UNC13C: variants seen among roughly 807,000 people sequenced by gnomAD.
UNC13C encodes the protein protein unc-13 homolog C.
Under a neutral mutation model 245.4 loss-of-function variants are expected in UNC13C, and 174 were observed. The observed-to-expected ratio is 0.71, with a 90% CI of 0.63 to 0.80. The LOEUF is 0.80. Among genes scored for constraint, UNC13C ranks in the 30% least tolerant of loss-of-function variants. The pLI is 0.00. For synonymous variants in UNC13C, 992 were observed against 895.1 expected, an observed-to-expected ratio of 1.11 and a Z score of -1.93; for missense variants, 2,829 against 2,602.9, an observed-to-expected ratio of 1.09 and a Z score of -1.89.
At chr15:54,413,263 C>A (rs2040450705) in intron 18 of UNC13C, among the ~76,000 whole-genome samples, 1 of 151,436 alleles carries the variant, frequency 6.6e-6, no homozygotes, top group South Asian at 2.1e-4. Context: ...TTCTTTAGTT[C>A]TTTGTTTCTT....
chr15:54,541,548 A>G (rs1476696548), intron 26 of UNC13C, among the ~76,000 whole-genome samples: 2 of 152,134 alleles, frequency 1.3e-5, no homozygotes, highest in East Asian at 3.9e-4. Context: ...AACATCCTGC[A>G]TAAGCACATT....
chr15:53,899,396 T>C, the UNC13C span, among the ~76,000 whole-genome samples: 1 of 152,246 alleles, frequency 6.6e-6, no homozygotes, highest in East Asian at 1.9e-4. Context: ...ACCACTTTCC[T>C]TGCAAATTAA....
intron 28 of UNC13C, among the ~76,000 whole-genome samples, chr15:54,552,399 A>C (rs1355218495): frequency 1.1e-5 from 1 of 88,366 alleles, no homozygotes; most frequent in African/African-American, 4.8e-5. Flanking sequence ...ATAATATATA[A>C]TTATATAATT....
At chr15:54,143,199 A>G (rs557392629) in intron 3 of UNC13C, among the ~76,000 whole-genome samples, 159 bp downstream of exon 3, 5 of 151,996 alleles carry the variant, frequency 3.3e-5, no homozygotes, top group Non-Finnish European at 7.4e-5. Context: ...TGTGCCTCTG[A>G]TATGTTGCAC....
the UNC13C span, among the ~76,000 whole-genome samples, chr15:53,939,320 G>A: frequency 6.6e-6 from 1 of 152,072 alleles, no homozygotes; most frequent in Non-Finnish European, 1.5e-5. Flanking sequence ...GACCACTAAT[G>A]AGTTCTGAAA....
the UNC13C span, among the ~76,000 whole-genome samples, chr15:53,900,123 C>T: frequency 1.5e-3 from 229 of 152,196 alleles, 1 homozygote; most frequent in African/African-American, 4.7e-3. Flanking sequence ...CATATTATTC[C>T]GCAAATAGTA....
At chr15:54,401,508 G>A (rs372146057) in intron 18 of UNC13C, among the ~76,000 whole-genome samples, 95 of 152,162 alleles carry the variant, frequency 6.2e-4, no homozygotes, top group African/African-American at 2.1e-3. Flanking sequence ...AGAGTGAATC[G>A]GCTGACAGGG....
chr15:54,075,538 C>T (rs1215590283), intron 2 of UNC13C, among the ~76,000 whole-genome samples: 1 of 107,096 alleles, frequency 9.3e-6, no homozygotes, highest in Non-Finnish European at 1.7e-5. Flanking sequence ...GGCGACAGAG[C>T]GAGACTCTGT....
At chr15:53,964,163 A>G in the UNC13C span, among the ~76,000 whole-genome samples, 1 of 152,190 alleles carries the variant, frequency 6.6e-6, no homozygotes, top group East Asian at 1.9e-4. Flanking sequence ...ACAGAGTAGG[A>G]GTACTGACAA....
In UNC13C at chr15:54,082,599, C is replaced by T. The variant is rs139511590; in HGVS notation, c.2984-60419C>T. Among the ~76,000 whole-genome samples, 906 of 152,194 alleles carry T rather than the reference C, an allele frequency of 6.0e-3. 7 individuals are homozygous for T. Among genetic ancestry groups the T allele is most frequent in the Non-Finnish European group, 8.5e-3 (581 of 68,018 alleles). ...TAGACTTTTGACTCTGGTTGGGATC[C>T]ATTGCCAGAGAGCTAATGTAATCTT... On this transcript the variant is annotated intron_variant, in intron 2 of 32. Transcript: ENST00000260323.
At chr15:53,876,647 T>G in the UNC13C span, among the ~76,000 whole-genome samples, 2 of 152,156 alleles carry the variant, frequency 1.3e-5, no homozygotes, top group Non-Finnish European at 2.9e-5. Context: ...TTTTACTACT[T>G]TTTTTTGAAA....
intron 4 of UNC13C, among the ~76,000 whole-genome samples, chr15:54,218,413 T>G (rs921163802): frequency 6.6e-6 from 1 of 151,914 alleles, no homozygotes; most frequent in African/African-American, 2.4e-5. Flanking sequence ...CTGTCTTACT[T>G]GAATGGTAAG....
At chr15:54,629,657 G>A (rs1028698519), downstream of UNC13C, 7 of 152,218 alleles carry the variant, frequency 4.6e-5, no homozygotes, top group South Asian at 1.2e-3. Context: ...ATTCATTCTA[G>A]ATTTATGTTA....
chr15:53,970,269 A>G, the UNC13C span, among the ~76,000 whole-genome samples: 29 of 152,176 alleles, frequency 1.9e-4, no homozygotes, highest in South Asian at 6.0e-3. Flanking sequence ...GGGTTTTACC[A>G]TGTTGGTTAG....
At chr15:54,421,648 T>A (rs1008992424) in intron 19 of UNC13C, among the ~76,000 whole-genome samples, 3 of 152,090 alleles carry the variant, frequency 2.0e-5, no homozygotes, top group African/African-American at 7.2e-5. Flanking sequence ...AACCGCTGTG[T>A]GGAAGCAGGT....
At chr15:54,215,477 A>G (rs981199418) in intron 4 of UNC13C, among the ~76,000 whole-genome samples, 4 of 152,040 alleles carry the variant, frequency 2.6e-5, no homozygotes, top group Admixed American at 1.3e-4. Context: ...ATAATGAGGT[A>G]GTCACCACTT....
At chr15:54,268,447 T>A (rs2036602708) in intron 10 of UNC13C, among the ~76,000 whole-genome samples, 1 of 152,132 alleles carries the variant, frequency 6.6e-6, no homozygotes, top group Admixed American at 6.6e-5. Context: ...TTTCTCCTCA[T>A]TATGCATTAC....
chr15:53,894,375 T>C, the UNC13C span, among the ~76,000 whole-genome samples: 1 of 152,238 alleles, frequency 6.6e-6, no homozygotes, highest in Admixed American at 6.5e-5. Context: ...AATATTCTTA[T>C]AGTTGCTTTG....
intron 30 of UNC13C, among the ~76,000 whole-genome samples, chr15:54,578,666 C>T (rs902460477): frequency 2.6e-5 from 4 of 152,224 alleles, no homozygotes; most frequent in South Asian, 2.1e-4. Context: ...CATGTATTTT[C>T]GTCACTTGAG....
Sources: allele counts gnomAD v4.1 joint callset (sites outside exome capture counted in the v4.1 genomes callset), GRCh38; gene constraint gnomAD v4.1.1; transcripts MANE v1.5; gene names NCBI Gene and HGNC (gene_info 2026-07-23, HGNC 2026-07-21).